The following RET variants were observed in gnomAD, a reference collection of about 807,000 sequenced individuals.
The protein encoded by RET is proto-oncogene tyrosine-protein kinase receptor Ret.
In RET, 19 loss-of-function variants were observed where a neutral mutation model predicts 118.3. The observed-to-expected ratio is 0.16, with a 90% confidence interval of 0.11 to 0.24. The LOEUF (loss-of-function observed/expected upper bound fraction) is 0.24, where lower values mean the gene tolerates loss of function less well. RET is among the 10% of genes least tolerant of loss of function. The pLI is 1.00. For synonymous variants in RET, 597 were observed against 644.1 expected, an observed-to-expected ratio of 0.93 and a Z score of 1.11; for missense variants, 1,219 against 1,502.1, an observed-to-expected ratio of 0.81 and a Z score of 3.12.
chr10:43,098,900 G>A (rs185848493), intron 1 of RET, among the ~76,000 whole-genome samples: 26 of 152,306 alleles, frequency 1.7e-4, no homozygotes, highest in Middle Eastern at 3.4e-3. Context: ...ATTCTTTTGC[G>A]TATGTACCCA....
intron 16 of RET, among the ~76,000 whole-genome samples, chr10:43,122,428 T>G (rs1242194489): frequency 6.6e-6 from 1 of 152,170 alleles, no homozygotes; most frequent in African/African-American, 2.4e-5. Flanking sequence ...AAGTGGAGCT[T>G]GGGGACTCCA....
intron 4 of RET, 152 bp downstream of exon 4, chr10:43,105,345 TAGGGGGAGGGGA>T: frequency 1.6e-6 from 2 of 1,239,832 alleles, no homozygotes; most frequent in Non-Finnish European, 2.3e-6. Flanking sequence ...CCGTCTGTCC[TAGGGGGAGGGGA>T]AGGGGGAGTC....
At chr10:43,113,480 G>C (rs926679158) in intron 9 of RET, 76 bp from the exon 10 acceptor site, 1 of 1,493,128 alleles carries the variant, frequency 6.7e-7, no homozygotes, top group South Asian at 1.3e-5. Context: ...GGCTCCTTGG[G>C]ACACTGCCCT....
At chr10:43,125,358 G>A (rs985628253) in intron 18 of RET, among the ~76,000 whole-genome samples, 3 of 152,238 alleles carry the variant, frequency 2.0e-5, no homozygotes, top group African/African-American at 7.2e-5. Context: ...GCTGGAGGAG[G>A]GCAGTGAGTA....
rs373423271 is a variant in RET, at chr10:43,126,701, T to C, written c.3166T>C (p.Trp1056Arg). 7.4e-6 allele frequency: 12 copies of C among 1,613,998 alleles called. No homozygotes were observed. The highest frequency in any genetic ancestry group is 1.6e-4 in the Middle Eastern group (1 of 6,062). Residue 1056 changes from tryptophan to arginine, a missense_variant, in exon 19 of 20, where the codon TGG (tryptophan) becomes CGG (arginine). Physicochemically the swap from Trp to Arg is moderately radical, Grantham distance 101. Coordinates refer to ENST00000355710, the MANE Select transcript of RET (RefSeq NM_020975.6). ...APLPRALPST[W>R]IENKLYGMSD... ...CCTCCCTCGAGCCCTCCCTTCCACA[T>C]GGATTGAAAACAAACTCTATGGTAG...
At chr10:43,108,240 G>A (rs915620086) in intron 5 of RET, among the ~76,000 whole-genome samples, 4 of 152,032 alleles carry the variant, frequency 2.6e-5, no homozygotes, top group Admixed American at 2.6e-4. Context: ...CTGGATTCCA[G>A]GAACCTGGGA....
intron 15 of RET, among the ~76,000 whole-genome samples, chr10:43,121,355 T>G (rs1290380317): frequency 6.6e-6 from 1 of 152,216 alleles, no homozygotes; most frequent in Non-Finnish European, 1.5e-5. Context: ...GGCTTGTCTG[T>G]GGAGAAGCTG....
intron 9 of RET, 25 bp from the exon 10 acceptor site, chr10:43,113,531 C>T (rs1181758888): frequency 1.3e-6 from 2 of 1,593,168 alleles, no homozygotes; most frequent in South Asian, 2.3e-5. Flanking sequence ...CCCCAGGAGG[C>T]TGAGTGGGCT....
At chr10:43,123,872 C>A (rs1259379447) in intron 17 of RET, 64 bp downstream of exon 17, 1 of 1,610,044 alleles carries the variant, frequency 6.2e-7, no homozygotes, top group African/African-American at 1.3e-5. Context: ...GTGTGCATTC[C>A]CTCCCCATCC....
Position 43,128,987 on chromosome 10 carries a change from G to A in RET, c.*718G>A, listed in dbSNP as rs1838393166. Reference sequence around the variant, plus strand: ...TTTACTATGTGGATGGTGGTATCAGGGAAGAGGGCTCACAAGACACATTTG... The same window carrying A: ...TTTACTATGTGGATGGTGGTATCAGAGAAGAGGGCTCACAAGACACATTTG... On this transcript the variant is annotated 3_prime_UTR_variant, in exon 20 of 20. Coordinates refer to ENST00000355710, the MANE Select transcript of RET (RefSeq NM_020975.6). 1 of 236,980 alleles carries A rather than the reference G, an allele frequency of 4.2e-6. No individual in the cohort carries two copies. Among genetic ancestry groups the A allele is most frequent in the Admixed American group, 5.4e-5 (1 of 18,544 alleles). The allele number at this position is 236,980 out of a possible 1,614,324, so 14.7% of individuals were successfully genotyped here.
rs942239472 is a variant in RET, at chr10:43,128,980, G to A, written c.*711G>A. On this transcript the variant is annotated 3_prime_UTR_variant, in exon 20 of 20. Transcript: ENST00000355710. ...TGCCATCTTTACTATGTGGATGGTG[G>A]TATCAGGGAAGAGGGCTCACAAGAC... The A allele has an allele frequency of 1.3e-5, 3 of 236,988 alleles. No homozygotes were observed. In the East Asian group the frequency reaches 1.8e-4, roughly 14 times the overall value. 14.7% of individuals were successfully genotyped at this position (236,988 alleles called of 1,614,324 possible). A position where few individuals can be genotyped will look rare whatever the true frequency, so the allele number is the denominator to read the frequency against.
chr10:43,101,494 C>G (rs1412002040), intron 2 of RET, among the ~76,000 whole-genome samples: 1 of 152,232 alleles, frequency 6.6e-6, no homozygotes. Flanking sequence ...CTCCCTCCGG[C>G]GCAGCCCAGG....
rs377586654 is a variant in RET at position 43,114,448 on chromosome 10, G to C, written c.1880-32G>C. The stretch of plus-strand genomic sequence containing the variant: ...TACCCAGTGGTGCCGAGCCTCTGGC[G>C]GTGCCAAGCCTCACACCACCCCCAC... On this transcript the variant is annotated intron_variant, in intron 10 of 19. Transcript: ENST00000355710. This position sits in a 1 kb window ranked among gnomAD's most constrained non-coding sequence, Gnocchi z 4.6. 1 of 1,603,412 alleles carries C rather than the reference G, an allele frequency of 6.2e-7. No individual in the cohort carries two copies. The highest frequency in any genetic ancestry group is 1.7e-5 in the Admixed American group (1 of 59,986).
At position 43,077,326 on chromosome 10, in the gene RET, G is replaced by A. The variant is rs1554815546; in HGVS notation, c.68G>A (p.Gly23Asp). 2.6e-6 allele frequency: 4 copies of A among 1,510,788 alleles called. No individual in the cohort carries two copies. The highest frequency in any genetic ancestry group is 1.2e-5 in the South Asian group (1 of 81,384). The allele number at this position is 1,510,788 out of a possible 1,614,324, so 93.6% of individuals were successfully genotyped here. The change falls in exon 1 of 20, where the codon GGC (glycine) becomes GAC (aspartate). Residue 23 changes from glycine (G) to aspartate (D), a missense_variant. This residue lies in a region of RET where 38 missense variants were observed against 33.1 expected (regional missense o/e 1.15). Coordinates refer to ENST00000355710, the MANE Select transcript of RET (RefSeq NM_020975.6). ...LLLLLLLPLL[G>D]KVALGLYFSR... Reference sequence around the variant, plus strand: ...TTGCTGCTGCTGCTGCCGCTGCTAGGCAAAGGTGAGTTCTGCCGGCCGCCG... The same window carrying A: ...TTGCTGCTGCTGCTGCCGCTGCTAGACAAAGGTGAGTTCTGCCGGCCGCCG...
intron 17 of RET, 95 bp from the exon 18 acceptor site, chr10:43,124,788 C>T: frequency 8.3e-7 from 1 of 1,208,090 alleles, no homozygotes. Context: ...ACACTGGGCC[C>T]AGGGTACAGG....
intron 16 of RET, 26 bp downstream of exon 16, chr10:43,122,042 G>A (rs2132987584): frequency 1.9e-6 from 3 of 1,593,202 alleles, no homozygotes; most frequent in Non-Finnish European, 1.7e-6. Flanking sequence ...GCTCTCTTGG[G>A]GTGGAGGTTA....
At chr10:43,088,871 C>A (rs549153297) in intron 1 of RET, among the ~76,000 whole-genome samples, 18 of 152,306 alleles carry the variant, frequency 1.2e-4, no homozygotes, top group African/African-American at 3.1e-4. Flanking sequence ...CATTCACCTC[C>A]GGCCCTGTGC....
intron 1 of RET, among the ~76,000 whole-genome samples, chr10:43,088,742 T>TC (rs1332108115): frequency 1.3e-5 from 2 of 152,104 alleles, no homozygotes; most frequent in Non-Finnish European, 2.9e-5. Flanking sequence ...ACACTTTCTC[T>TC]CCATCACCCA....
At chr10:43,108,175 G>T (rs1027086420) in intron 5 of RET, among the ~76,000 whole-genome samples, 41 of 150,216 alleles carry the variant, frequency 2.7e-4, no homozygotes, top group South Asian at 6.3e-4. Flanking sequence ...GTGAAACCCT[G>T]TCTCTACAAA....
Sources: allele counts gnomAD v4.1 joint callset (sites outside exome capture counted in the v4.1 genomes callset), GRCh38; gene constraint gnomAD v4.1.1; regional missense constraint gnomAD v4.1.1; non-coding constraint Gnocchi (gnomAD v3.1); transcripts MANE v1.5; gene names NCBI Gene and HGNC (gene_info 2026-07-23, HGNC 2026-07-21).